The following SBF2 variants were observed in gnomAD, a reference collection of about 807,000 sequenced individuals.
SBF2 encodes SET binding factor 2.
Under a neutral mutation model 225.2 loss-of-function variants are expected in SBF2, and 112 were observed. The observed-to-expected ratio is 0.50, with a 90% CI of 0.43 to 0.58. The LOEUF (loss-of-function observed/expected upper bound fraction) is 0.58. Ranked by LOEUF, SBF2 falls within the 20% of genes least tolerant of loss-of-function variation. The probability of loss-of-function intolerance (pLI) is 0.00; values close to 1 mark genes in which losing one functional copy is unlikely to be tolerated. For synonymous variants in SBF2, 763 were observed against 773.3 expected (o/e 0.99, Z 0.22); for missense variants, 1,996 against 2,206.2 (o/e 0.90, Z 1.91).
At chr11:10,053,518 G>T (rs1354707320) in intron 2 of SBF2, among the ~76,000 whole-genome samples, 1 of 152,182 alleles carries the variant, frequency 6.6e-6, no homozygotes, top group Admixed American at 6.5e-5. Flanking sequence ...AGAAGCTTTA[G>T]GAGACTGAAG....
chr11:10,242,482 A>G (rs571327697), intron 1 of SBF2, among the ~76,000 whole-genome samples: 102 of 152,270 alleles, frequency 6.7e-4, no homozygotes, highest in African/African-American at 2.4e-3. Flanking sequence ...AAAATTAACA[A>G]TGGCAATAGT....
chr11:10,078,649 G>A (rs183109852), intron 2 of SBF2, among the ~76,000 whole-genome samples: 139 of 152,196 alleles, frequency 9.1e-4, no homozygotes, highest in Non-Finnish European at 1.5e-3. Context: ...GGCTGGGGGA[G>A]GGATAGCATT....
chr11:10,090,785 A>AAAAAAAAAAAAC (rs1392124232), intron 2 of SBF2, among the ~76,000 whole-genome samples: 1 of 149,484 alleles, frequency 6.7e-6, no homozygotes, highest in Non-Finnish European at 1.5e-5. Flanking sequence ...AAAAAAAAAA[A>AAAAAAAAAAAAC]GCTATTAGAA....
chr11:10,196,866 A>ATATATATATATT, intron 1 of SBF2, among the ~76,000 whole-genome samples: 6 of 99,314 alleles, frequency 6.0e-5, no homozygotes, highest in African/African-American at 2.0e-4. Context: ...ATATATATAT[A>ATATATATATATT]TTTTTTTTTT....
intron 4 of SBF2, 22 bp from the exon 5 acceptor site, chr11:10,029,897 T>A: frequency 6.9e-7 from 1 of 1,448,862 alleles, no homozygotes; most frequent in Non-Finnish European, 9.7e-7. Flanking sequence ...TAAATACATG[T>A]AATTATTTCA....
chr11:10,015,027 T>C (rs952065193), intron 6 of SBF2, among the ~76,000 whole-genome samples: 3 of 151,964 alleles, frequency 2.0e-5, no homozygotes, highest in Admixed American at 1.3e-4. Context: ...GCTACTTGGG[T>C]GGACGCTGAC....
At chr11:9,939,622 C>A (rs1208907746) in intron 16 of SBF2, among the ~76,000 whole-genome samples, 1 of 152,032 alleles carries the variant, frequency 6.6e-6, no homozygotes, top group Non-Finnish European at 1.5e-5. Context: ...ATATAACAAA[C>A]AACATTTACA....
rs2645029 is a variant in SBF2 at position 9,790,689 on chromosome 11, G to A, written c.4571-6C>T. The A allele has an allele frequency of 0.88, 1,374,724 of 1,566,904 alleles. 605,599 individuals are homozygous for A. The highest frequency in any genetic ancestry group is 0.89 in the Non-Finnish European group (1,018,682 of 1,141,376). On this transcript the variant is annotated splice_polypyrimidine_tract_variant and splice_region_variant and intron_variant, in intron 33 of 39. Coordinates refer to ENST00000256190, the MANE Select transcript of SBF2 (RefSeq NM_030962.4). The stretch of plus-strand genomic sequence containing the variant: ...TTTATCATCAAATAAAGTTCCTGTA[G>A]ATTAAAAAAATCCAACAAAACAAAA...
chr11:10,078,681 T>C (rs751146005), intron 2 of SBF2, among the ~76,000 whole-genome samples: 1 of 152,052 alleles, frequency 6.6e-6, no homozygotes, highest in Non-Finnish European at 1.5e-5. Context: ...CTAATGTAAA[T>C]GACGAGTTGA....
chr11:10,148,761 T>A (rs1169749858), intron 2 of SBF2, among the ~76,000 whole-genome samples: 28 of 150,788 alleles, frequency 1.9e-4, no homozygotes, highest in South Asian at 1.0e-3. Context: ...AAAAAAAAAA[T>A]GGAAAATATT....
intron 26 of SBF2, among the ~76,000 whole-genome samples, chr11:9,836,601 T>G (rs778089821): frequency 6.6e-6 from 1 of 152,208 alleles, no homozygotes; most frequent in Non-Finnish European, 1.5e-5. Context: ...ATGTAACTCT[T>G]AGAATTACCT....
chr11:10,036,689 C>G (rs1487287183), intron 3 of SBF2, among the ~76,000 whole-genome samples: 1 of 152,122 alleles, frequency 6.6e-6, no homozygotes, highest in Non-Finnish European at 1.5e-5. Context: ...ATTAACAAGC[C>G]AAGTCTTCTC....
At chr11:10,000,852 C>G in intron 8 of SBF2, 62 bp downstream of exon 8, 1 of 859,904 alleles carries the variant, frequency 1.2e-6, no homozygotes, top group Non-Finnish European at 2.0e-6. Context: ...TGTTATAGGA[C>G]CCAAAGAAAT....
At chr11:10,205,432 G>C (rs949727606) in intron 1 of SBF2, among the ~76,000 whole-genome samples, 1 of 151,870 alleles carries the variant, frequency 6.6e-6, no homozygotes, top group Non-Finnish European at 1.5e-5. Context: ...CTGAAAGGTG[G>C]TAAGAGGAAA....
chr11:9,836,294 T>C (rs1233303283), intron 26 of SBF2, among the ~76,000 whole-genome samples: 1 of 152,180 alleles, frequency 6.6e-6, no homozygotes, highest in African/African-American at 2.4e-5. Context: ...TTTTAACCTT[T>C]TACATATAGA....
intron 2 of SBF2, among the ~76,000 whole-genome samples, chr11:10,124,480 T>C (rs993711794): frequency 1.3e-5 from 2 of 152,194 alleles, no homozygotes; most frequent in South Asian, 2.1e-4. Flanking sequence ...TCTGAAGGCA[T>C]CATTTTTCAA....
intron 22 of SBF2, among the ~76,000 whole-genome samples, chr11:9,847,694 T>C (rs1415354515): frequency 1.3e-5 from 2 of 151,930 alleles, no homozygotes; most frequent in Non-Finnish European, 2.9e-5. Context: ...CTTTTAGGAG[T>C]TTATTAAAGC....
At chr11:9,812,449 T>G (rs959109318) in intron 30 of SBF2, 83 bp downstream of exon 30, 71 of 1,469,550 alleles carry the variant, frequency 4.8e-5, no homozygotes, top group Non-Finnish European at 6.2e-5. Flanking sequence ...ACAAAGTATT[T>G]TTTTTCTCAA....
intron 15 of SBF2, among the ~76,000 whole-genome samples, chr11:9,962,463 T>C (rs1866637492): frequency 6.6e-6 from 1 of 152,178 alleles, no homozygotes; most frequent in Non-Finnish European, 1.5e-5. Context: ...CTAGTAAATT[T>C]TCCATGGCAA....
Sources: allele counts gnomAD v4.1 joint callset (sites outside exome capture counted in the v4.1 genomes callset), GRCh38; gene constraint gnomAD v4.1.1; transcripts MANE v1.5; gene names NCBI Gene and HGNC (gene_info 2026-07-23, HGNC 2026-07-21).